The following EYA4 variants were observed in gnomAD, a reference collection of about 807,000 sequenced individuals.
EYA4 encodes the protein protein phosphatase EYA4.
Under a neutral mutation model 87.9 loss-of-function variants are expected in EYA4, and 31 were observed. The observed-to-expected ratio is 0.35, with a 90% confidence interval of 0.27 to 0.48. The LOEUF (loss-of-function observed/expected upper bound fraction) is 0.48, where lower values mean the gene tolerates loss of function less well. Among genes scored for constraint, EYA4 ranks in the 20% least tolerant of loss-of-function variants. The pLI, the probability that EYA4 is intolerant of heterozygous loss-of-function variation, is 0.99. For missense variants in EYA4, 678 were observed against 761.4 expected, an observed-to-expected ratio of 0.89 and a Z score of 1.29; for synonymous variants, 263 against 270.6, an observed-to-expected ratio of 0.97 and a Z score of 0.28.
intron 2 of EYA4, among the ~76,000 whole-genome samples, chr6:133,353,766 G>A (rs922443723): frequency 1.1e-4 from 16 of 152,266 alleles, no homozygotes; most frequent in Admixed American, 2.0e-4. Context: ...ATTTACGTAA[G>A]GGTGGAGAGT....
chr6:133,396,632 A>G (rs962270083), intron 3 of EYA4, among the ~76,000 whole-genome samples: 4 of 152,136 alleles, frequency 2.6e-5, no homozygotes, highest in Admixed American at 1.3e-4. Context: ...GGTTTTTCTC[A>G]TTATTTATAG....
intron 3 of EYA4, among the ~76,000 whole-genome samples, chr6:133,390,297 G>A (rs1287232413): frequency 6.6e-6 from 1 of 152,010 alleles, no homozygotes; most frequent in African/African-American, 2.4e-5. Flanking sequence ...TCGGCTCACT[G>A]TATCCTCCAC....
chr6:133,393,641 G>T (rs1275722079), intron 3 of EYA4, among the ~76,000 whole-genome samples: 3 of 152,128 alleles, frequency 2.0e-5, no homozygotes, highest in Non-Finnish European at 4.4e-5. Flanking sequence ...ATTTGAAATA[G>T]CAATATTCTA....
chr6:133,311,243 TC>T (rs1780190171), intron 2 of EYA4, among the ~76,000 whole-genome samples: 1 of 152,162 alleles, frequency 6.6e-6, no homozygotes, highest in Non-Finnish European at 1.5e-5. Flanking sequence ...TCTGGCAGTG[TC>T]CCTTCCTTCC....
chr6:133,250,818 G>A (rs1582744643), intron 1 of EYA4, among the ~76,000 whole-genome samples: 2 of 152,120 alleles, frequency 1.3e-5, no homozygotes, highest in Admixed American at 6.5e-5. Context: ...AATTCAATGA[G>A]TAAATATATG....
intron 4 of EYA4, 63 bp downstream of exon 4, chr6:133,446,817 T>C (rs2128623168): frequency 2.1e-6 from 3 of 1,449,030 alleles, no homozygotes; most frequent in East Asian, 2.3e-5. Context: ...ATTTTACTTC[T>C]TAGAGATCTG....
chr6:133,255,742 A>T (rs1775286910), intron 1 of EYA4, among the ~76,000 whole-genome samples: 1 of 152,074 alleles, frequency 6.6e-6, no homozygotes, highest in Non-Finnish European at 1.5e-5. Context: ...ATATTTTTCC[A>T]CATCAGTACA....
chr6:133,278,662 C>A (rs1777379322), intron 2 of EYA4, among the ~76,000 whole-genome samples: 1 of 152,154 alleles, frequency 6.6e-6, no homozygotes, highest in South Asian at 2.1e-4. Context: ...GAAGGTCTAA[C>A]ATGAATTTAA....
chr6:133,525,977 G>A, intron 19 of EYA4: 2 of 934,328 alleles, frequency 2.1e-6, no homozygotes, highest in Non-Finnish European at 2.6e-6. Context: ...CAAGCAGCTG[G>A]CTTTGAACAC....
intron 2 of EYA4, among the ~76,000 whole-genome samples, chr6:133,296,863 T>A (rs1303511061): frequency 6.6e-6 from 1 of 152,202 alleles, no homozygotes; most frequent in Admixed American, 6.5e-5. Flanking sequence ...TTACTGATCT[T>A]TATCACTTGA....
chr6:133,330,381 C>G (rs1781831687), intron 2 of EYA4, among the ~76,000 whole-genome samples: 1 of 151,824 alleles, frequency 6.6e-6, no homozygotes, highest in African/African-American at 2.4e-5. Context: ...TAAATTACCC[C>G]CTCTGCTAAT....
chr6:133,285,938 A>G lies in EYA4; in HGVS notation c.33+11125A>G, dbSNP rs185933804. The stretch of plus-strand genomic sequence containing the variant: ...GCAGATCAGGAGGTCAGTTTTAGAC[A>G]TGGTGGCAGAGACATTGCTGTGTTT... On this transcript the variant is annotated intron_variant, in intron 2 of 19. Coordinates refer to ENST00000355286, the MANE Select transcript of EYA4 (RefSeq NM_004100.5). Among the ~76,000 whole-genome samples, 16 of 152,326 alleles carry G rather than the reference A, an allele frequency of 1.1e-4. No individual in the cohort carries two copies. The East Asian group carries it at 3.1e-3, about 29-fold the overall frequency.
intron 2 of EYA4, among the ~76,000 whole-genome samples, chr6:133,299,927 C>CTATATATA (rs1562263780): frequency 1.1e-4 from 8 of 76,130 alleles, no homozygotes; most frequent in African/African-American, 5.6e-4. Context: ...ATAAAGATCT[C>CTATATATA]TATCTATCTA....
chr6:133,301,903 T>A (rs1779436748), intron 2 of EYA4, among the ~76,000 whole-genome samples: 1 of 152,220 alleles, frequency 6.6e-6, no homozygotes, highest in Non-Finnish European at 1.5e-5. Context: ...GAGCTTGCAG[T>A]CTACTTGATT....
intron 1 of EYA4, among the ~76,000 whole-genome samples, chr6:133,261,170 G>A (rs948538207): frequency 1.3e-5 from 2 of 152,064 alleles, no homozygotes; most frequent in South Asian, 2.1e-4. Flanking sequence ...CACTTGGAGC[G>A]TCACAGCAGC....
At chr6:133,397,006 A>C (rs1227752664) in intron 3 of EYA4, among the ~76,000 whole-genome samples, 1 of 152,212 alleles carries the variant, frequency 6.6e-6, no homozygotes, top group Non-Finnish European at 1.5e-5. Context: ...TCATGGACTT[A>C]AAAAGATCTG....
At chr6:133,411,413 A>C (rs1789221505) in intron 3 of EYA4, among the ~76,000 whole-genome samples, 1 of 152,188 alleles carries the variant, frequency 6.6e-6, no homozygotes, top group Non-Finnish European at 1.5e-5. Flanking sequence ...AATATCTGTA[A>C]TCAGTAAAGT....
intron 2 of EYA4, among the ~76,000 whole-genome samples, chr6:133,305,142 C>T (rs1441167586): frequency 6.6e-6 from 1 of 151,996 alleles, no homozygotes; most frequent in Non-Finnish European, 1.5e-5. Flanking sequence ...AAATTTAATG[C>T]CTGACATGTT....
At chr6:133,320,541 A>G (rs2128353700) in intron 2 of EYA4, among the ~76,000 whole-genome samples, 1 of 149,704 alleles carries the variant, frequency 6.7e-6, no homozygotes, top group Admixed American at 6.6e-5. Context: ...TTTTGTTATT[A>G]TAAATTCAGG....
Sources: allele counts gnomAD v4.1 joint callset (sites outside exome capture counted in the v4.1 genomes callset), GRCh38; gene constraint gnomAD v4.1.1; transcripts MANE v1.5; gene names NCBI Gene and HGNC (gene_info 2026-07-23, HGNC 2026-07-21).